PDE4D: variants seen among roughly 807,000 people sequenced by gnomAD.
PDE4D encodes 3',5'-cyclic-AMP phosphodiesterase 4D.
Under a neutral mutation model 87.4 loss-of-function variants are expected in PDE4D, and 24 were observed. The observed-to-expected ratio is 0.27, with a 90% confidence interval of 0.20 to 0.39. The LOEUF (loss-of-function observed/expected upper bound fraction) is 0.39, where lower values mean the gene tolerates loss of function less well. Among genes scored for constraint, PDE4D ranks in the 10% least tolerant of loss-of-function variants. PDE4D has a pLI of 1.00. For synonymous variants in PDE4D, 384 were observed against 383.2 expected (o/e 1.00, Z -0.02); for missense variants, 714 against 1,041.0 (o/e 0.69, Z 4.32).
intron 1 of PDE4D, among the ~76,000 whole-genome samples, chr5:59,855,564 A>G (rs538345764): frequency 1.3e-5 from 2 of 152,284 alleles, no homozygotes; most frequent in South Asian, 4.1e-4. Context: ...AAATTTTCAT[A>G]GTTCATATTT....
chr5:59,829,495 C>T (rs1581301348), intron 1 of PDE4D, among the ~76,000 whole-genome samples: 1 of 152,042 alleles, frequency 6.6e-6, no homozygotes, highest in South Asian at 2.1e-4. Flanking sequence ...GCTGTTTTTC[C>T]CACATTTCAG....
At chr5:59,431,952 A>G (rs1796170879) in intron 1 of PDE4D, among the ~76,000 whole-genome samples, 1 of 152,144 alleles carries the variant, frequency 6.6e-6, no homozygotes, top group Non-Finnish European at 1.5e-5. Flanking sequence ...TGCAAAAGAC[A>G]CGCTCTCATT....
intron 3 of PDE4D, among the ~76,000 whole-genome samples, chr5:59,936,084 C>G (rs1756540406): frequency 6.6e-6 from 1 of 152,048 alleles, no homozygotes; most frequent in Non-Finnish European, 1.5e-5. Context: ...CGGTGTAAAC[C>G]ATCATTCTCA....
At chr5:59,227,728 T>C (rs985835483) in intron 1 of PDE4D, among the ~76,000 whole-genome samples, 1 of 152,128 alleles carries the variant, frequency 6.6e-6, no homozygotes, top group African/African-American at 2.4e-5. Context: ...TGGCTATTAC[T>C]AAAAAGTCAA....
chr5:59,801,768 C>A (rs944530482), intron 1 of PDE4D, among the ~76,000 whole-genome samples: 1 of 152,222 alleles, frequency 6.6e-6, no homozygotes, highest in Non-Finnish European at 1.5e-5. Flanking sequence ...CCAAACAACT[C>A]TGTTCCAATA....
chr5:59,089,548 C>A (rs1207020824), intron 5 of PDE4D, among the ~76,000 whole-genome samples: 3 of 152,100 alleles, frequency 2.0e-5, no homozygotes, highest in African/African-American at 7.2e-5. Context: ...TATTTGATAG[C>A]TGGGGAAACT....
intron 1 of PDE4D, among the ~76,000 whole-genome samples, chr5:59,224,295 C>CACACAG (rs975116625): frequency 1.2e-5 from 1 of 82,308 alleles, no homozygotes; most frequent in African/African-American, 1.0e-4. Context: ...CACACACATA[C>CACACAG]ACACACACAC....
chr5:60,158,709 C>G (rs1233788506), intron 2 of PDE4D, among the ~76,000 whole-genome samples: 1 of 152,142 alleles, frequency 6.6e-6, no homozygotes, highest in Non-Finnish European at 1.5e-5. Flanking sequence ...ACCACAGGCC[C>G]CCGCCACCAC....
chr5:60,177,805 C>A (rs1784053187), intron 2 of PDE4D, among the ~76,000 whole-genome samples: 1 of 152,132 alleles, frequency 6.6e-6, no homozygotes, highest in Non-Finnish European at 1.5e-5. Flanking sequence ...CCGGTGAGGT[C>A]ATTCACCCAA....
chr5:60,348,727 A>C (rs1758940419), intron 1 of PDE4D, among the ~76,000 whole-genome samples: 1 of 152,050 alleles, frequency 6.6e-6, no homozygotes, highest in Admixed American at 6.6e-5. Context: ...TAAGGAATTG[A>C]TATTACTTTT....
chr5:60,015,560 T>A (rs977889703), intron 2 of PDE4D, among the ~76,000 whole-genome samples: 2 of 152,198 alleles, frequency 1.3e-5, no homozygotes, highest in African/African-American at 4.8e-5. Flanking sequence ...GTATGATGAT[T>A]AACTTTATAT....
rs889707464 is a variant in PDE4D, at chr5:58,974,540, G to T, written c.*124C>A. The T allele has an allele frequency of 2.2e-5, 20 of 917,498 alleles. No individual in the cohort carries two copies. The African/African-American group carries it at 3.0e-4, about 14-fold the overall frequency. The allele number at this position is 917,498 out of a possible 1,614,324, so 56.8% of individuals were successfully genotyped here. ...GCGCTGGACTGAGTAGTCAAGGTCA[G>T]TTTTGTTCAACAAACGTCCTGGCAG... On this transcript the variant is annotated 3_prime_UTR_variant, in exon 15 of 15. Coordinates refer to ENST00000340635, the MANE Select transcript of PDE4D (RefSeq NM_001104631.2).
intron 3 of PDE4D, among the ~76,000 whole-genome samples, chr5:59,973,186 T>A (rs1760964282): frequency 6.6e-6 from 1 of 152,202 alleles, no homozygotes; most frequent in Non-Finnish European, 1.5e-5. Context: ...ATGAATGAAA[T>A]TGTAAATAAA....
intron 1 of PDE4D, among the ~76,000 whole-genome samples, chr5:59,686,677 T>C (rs965514877): frequency 3.9e-5 from 6 of 152,176 alleles, no homozygotes; most frequent in African/African-American, 1.2e-4. Flanking sequence ...ACACAGGTTA[T>C]ATCTCAACAC....
chr5:59,857,172 A>C (rs1358459030), intron 1 of PDE4D, among the ~76,000 whole-genome samples: 1 of 152,168 alleles, frequency 6.6e-6, no homozygotes, highest in African/African-American at 2.4e-5. Flanking sequence ...ATGTGTGCTA[A>C]AGCTACAGAT....
intron 1 of PDE4D, among the ~76,000 whole-genome samples, chr5:59,289,253 T>C (rs1767557488): frequency 6.6e-6 from 1 of 152,104 alleles, no homozygotes; most frequent in African/African-American, 2.4e-5. Flanking sequence ...TTAGTTTGTT[T>C]ATGCAATCAG....
chr5:59,056,384 G>A (rs1020627121), intron 5 of PDE4D, among the ~76,000 whole-genome samples: 2 of 152,112 alleles, frequency 1.3e-5, no homozygotes, highest in African/African-American at 2.4e-5. Context: ...AAACTCAACC[G>A]ACTGGACGCT....
At position 59,746,614 on chromosome 5, in the gene PDE4D, A is replaced by AT. The variant is rs1759644518; in HGVS notation, c.455+146553dup. Among the ~76,000 whole-genome samples the AT allele has an allele frequency of 3.3e-5, 5 of 152,092 alleles. No individual in the cohort carries two copies. In the South Asian group the frequency reaches 1.0e-3, roughly 32 times the overall value. ...GGCTCTGTAAATCCCCTACTTTGAA[A>AT]TCCCCAGCCTTCCCCAATTCCTGCA... On this transcript the variant is annotated intron_variant, in intron 1 of 14. Transcript: ENST00000340635.
At chr5:60,348,374 T>C (rs537014782) in intron 1 of PDE4D, among the ~76,000 whole-genome samples, 1 of 152,132 alleles carries the variant, frequency 6.6e-6, no homozygotes, top group South Asian at 2.1e-4. Context: ...GATTTATGGA[T>C]TGCTCCCTGC....
Sources: gnomAD v4.1 joint callset for allele counts (sites outside exome capture counted in the v4.1 genomes callset) on GRCh38, gnomAD v4.1.1 for gene constraint, MANE v1.5 for transcripts, NCBI Gene and HGNC (gene_info 2026-07-23, HGNC 2026-07-21) for gene names.